PLXNA4: variants seen among roughly 807,000 people sequenced by gnomAD.
The protein encoded by PLXNA4 is plexin-A4.
Under a neutral mutation model 191.8 loss-of-function variants are expected in PLXNA4, and 44 were observed. The observed-to-expected ratio is 0.23, with a 90% CI of 0.18 to 0.29. PLXNA4 has a LOEUF of 0.29. Ranked by LOEUF, PLXNA4 falls within the 10% of genes least tolerant of loss-of-function variation. The probability of loss-of-function intolerance (pLI) is 1.00; values close to 1 mark genes in which losing one functional copy is unlikely to be tolerated. For synonymous variants in PLXNA4, 1,082 were observed against 1,009.5 expected, an observed-to-expected ratio of 1.07 and a Z score of -1.36; for missense variants, 1,800 against 2,488.8, an observed-to-expected ratio of 0.72 and a Z score of 5.89.
intron 1 of PLXNA4, among the ~76,000 whole-genome samples, chr7:132,548,727 G>A (rs1283331268): frequency 6.6e-6 from 1 of 152,182 alleles, no homozygotes; most frequent in Non-Finnish European, 1.5e-5. Flanking sequence ...AAATGAGGCT[G>A]AGTCCTACTG....
At chr7:132,594,210 C>T (rs374625786) in intron 2 of PLXNA4, among the ~76,000 whole-genome samples, 3 of 152,230 alleles carry the variant, frequency 2.0e-5, no homozygotes, top group Non-Finnish European at 4.4e-5. Context: ...CCTAATCCAA[C>T]ATGACCGGTG....
chr7:132,544,133 G>T (rs1244250218), intron 1 of PLXNA4, among the ~76,000 whole-genome samples: 1 of 152,210 alleles, frequency 6.6e-6, no homozygotes, highest in Non-Finnish European at 1.5e-5. Flanking sequence ...TTGAACATGG[G>T]TAGCTCAGAC....
intron 9 of PLXNA4, among the ~76,000 whole-genome samples, chr7:132,211,447 C>G (rs573901548): frequency 2.0e-5 from 3 of 152,242 alleles, no homozygotes; most frequent in Non-Finnish European, 4.4e-5. Flanking sequence ...CCCTTCTACC[C>G]TAGTAGAGAC....
At chr7:132,382,948 G>A (rs1383524017) in intron 3 of PLXNA4, among the ~76,000 whole-genome samples, 1 of 152,158 alleles carries the variant, frequency 6.6e-6, no homozygotes, top group Non-Finnish European at 1.5e-5. Flanking sequence ...GCGTGTCTAT[G>A]TCTTAGTGTC....
intron 2 of PLXNA4, among the ~76,000 whole-genome samples, chr7:132,497,413 G>A (rs992561533): frequency 2.6e-5 from 4 of 152,162 alleles, no homozygotes; most frequent in Admixed American, 1.3e-4. Flanking sequence ...ATGACATCGT[G>A]TTTACTCCAC....
intron 3 of PLXNA4, among the ~76,000 whole-genome samples, chr7:132,434,705 A>G (rs1159200636): frequency 6.6e-6 from 1 of 152,224 alleles, no homozygotes; most frequent in East Asian, 1.9e-4. Context: ...GGGGACACCA[A>G]GGCACACAGA....
intron 14 of PLXNA4, among the ~76,000 whole-genome samples, chr7:132,192,093 G>A (rs573523464): frequency 3.3e-5 from 5 of 152,226 alleles, no homozygotes; most frequent in East Asian, 1.9e-4. Flanking sequence ...TTTGGCCCTC[G>A]GAGAGCAGAG....
intron 3 of PLXNA4, among the ~76,000 whole-genome samples, chr7:132,343,557 GC>G (rs1425362223): frequency 6.6e-6 from 1 of 152,198 alleles, no homozygotes; most frequent in African/African-American, 2.4e-5. Flanking sequence ...TCCTTCCAGA[GC>G]CCCCTGGCTT....
intron 4 of PLXNA4, among the ~76,000 whole-genome samples, chr7:132,269,712 G>T (rs953630771): frequency 2.6e-5 from 4 of 151,184 alleles, no homozygotes; most frequent in Non-Finnish European, 5.9e-5. Context: ...ATATCCCTCT[G>T]CAGGTTTTAT....
At chr7:132,506,177 A>G (rs1798456584) in intron 2 of PLXNA4, among the ~76,000 whole-genome samples, 1 of 152,148 alleles carries the variant, frequency 6.6e-6, no homozygotes, top group African/African-American at 2.4e-5. Context: ...CCAGGGCACC[A>G]TCTTTCTCCT....
At chr7:132,369,861 G>A (rs888618992) in intron 3 of PLXNA4, among the ~76,000 whole-genome samples, 11 of 151,910 alleles carry the variant, frequency 7.2e-5, no homozygotes, top group African/African-American at 2.7e-4. Context: ...AAGGTCAGGA[G>A]ATTGAGACCA....
In PLXNA4 at chr7:132,544,717, T is replaced by C. The variant is rs376341485; in HGVS notation, c.-87+31705A>G. Among the ~76,000 whole-genome samples, 3 of 152,342 alleles carry C rather than the reference T, an allele frequency of 2.0e-5. No homozygotes were observed. In the East Asian group the frequency reaches 5.8e-4, roughly 29 times the overall value. On this transcript the variant is annotated intron_variant, in intron 1 of 31. Coordinates refer to ENST00000321063, the MANE Select transcript of PLXNA4 (RefSeq NM_020911.2). ...TGTAAACCTTTAAATAATTATGGCT[T>C]TCTTGGCCTAGATGTCTGTCATGCA...
chr7:132,379,236 G>T (rs1391427832), intron 3 of PLXNA4, among the ~76,000 whole-genome samples: 1 of 152,164 alleles, frequency 6.6e-6, no homozygotes, highest in African/African-American at 2.4e-5. Flanking sequence ...AGGACAAGTG[G>T]CTGGGTTGTT....
rs1796731850 is a variant in PLXNA4 at position 132,182,199 on chromosome 7, GAAGA to G, written c.3159-13_3159-10del. ...CGATGGGTGTGTTTCCACTGAGCAG[GAAGA>G]AAGAAGGAGATGTGTAAATGATAAG... On this transcript the variant is annotated splice_polypyrimidine_tract_variant and intron_variant, in intron 16 of 31. Transcript: ENST00000321063. 3.7e-6 allele frequency: 6 copies of G among 1,613,754 alleles called. No homozygotes were observed. The highest frequency in any genetic ancestry group is 5.1e-6 in the Non-Finnish European group (6 of 1,179,904).
chr7:132,169,349 A>G (rs1796216112), intron 21 of PLXNA4, among the ~76,000 whole-genome samples: 1 of 152,198 alleles, frequency 6.6e-6, no homozygotes, highest in Admixed American at 6.5e-5. Flanking sequence ...ACACGAGTCA[A>G]TGACTCAGGT....
chr7:132,597,837 T>TGC lies in PLXNA4; in HGVS notation c.-87+48089_-87+48090dup, dbSNP rs1316042147. Among the ~76,000 whole-genome samples the TGC allele has an allele frequency of 2.7e-5, 3 of 111,412 alleles. No individual in the cohort carries two copies. The Admixed American group carries it at 3.3e-4, about 12-fold the overall frequency. 73.1% of individuals were successfully genotyped at this position (111,412 alleles called of 152,430 possible). ...TTAAGTTCTAAGAATCCATCCATGT[T>TGC]GCGCTCTCTCTCTCTCTCTCTCTAT... On this transcript the variant is annotated intron_variant, in intron 2 of 4. Transcript: ENST00000378539.
intron 3 of PLXNA4, among the ~76,000 whole-genome samples, chr7:132,347,624 G>T (rs542692651): frequency 6.6e-6 from 1 of 152,288 alleles, no homozygotes; most frequent in Admixed American, 6.5e-5. Context: ...GAGGCAGTCT[G>T]AGGGTCTAGT....
chr7:132,350,636 T>G (rs1391137683), intron 3 of PLXNA4, among the ~76,000 whole-genome samples: 1 of 151,998 alleles, frequency 6.6e-6, no homozygotes, highest in Non-Finnish European at 1.5e-5. Flanking sequence ...GGATAGAAAA[T>G]GACAAGTGTT....
upstream of PLXNA4, among the ~76,000 whole-genome samples, chr7:132,579,833 T>C (rs962623361): frequency 2.6e-5 from 4 of 152,118 alleles, no homozygotes; most frequent in East Asian, 1.9e-4. Flanking sequence ...AGTTATCATA[T>C]TATCGGAAGG....
Sources: allele counts gnomAD v4.1 joint callset (sites outside exome capture counted in the v4.1 genomes callset), GRCh38; gene constraint gnomAD v4.1.1; transcripts MANE v1.5; gene names NCBI Gene and HGNC (gene_info 2026-07-23, HGNC 2026-07-21).